DRC11: variants seen among roughly 807,000 people sequenced by gnomAD.
DRC11 encodes dynein regulatory complex subunit 11.
chr2:236,453,461 G>A, the DRC11 span, among the ~76,000 whole-genome samples: 1 of 152,128 alleles, frequency 6.6e-6, no homozygotes, highest in Non-Finnish European at 1.5e-5. This position sits in a 1 kb window ranked among gnomAD's most constrained non-coding sequence, Gnocchi z 4.9. Flanking sequence ...CAGAAATTAA[G>A]AGCGTGCTAG....
At chr2:236,311,699 T>TGC in the DRC11 span, among the ~76,000 whole-genome samples, 528 of 108,094 alleles carry the variant, frequency 4.9e-3, 5 homozygotes, top group African/African-American at 0.016. This position sits in a 1 kb window ranked among gnomAD's most constrained non-coding sequence, Gnocchi z 6.9. Flanking sequence ...ATGGGGTGCG[T>TGC]GTGTGTGTGT....
chr2:236,357,602 AATAT>A, the DRC11 span, among the ~76,000 whole-genome samples: 40 of 126,004 alleles, frequency 3.2e-4, no homozygotes, highest in African/African-American at 1.2e-3. Flanking sequence ...CATTTATGTA[AATAT>A]ATATTTATAA....
At chr2:236,367,448 T>C in the DRC11 span, 12 of 151,870 alleles carry the variant, frequency 7.9e-5, no homozygotes, top group African/African-American at 2.4e-4. The surrounding 1 kb of genome is among the most constrained non-coding windows in gnomAD (Gnocchi z 4.8). Flanking sequence ...CAATAAGGGT[T>C]TGAACTACTC....
chr2:236,474,406 G>A, the DRC11 span, among the ~76,000 whole-genome samples: 5 of 152,152 alleles, frequency 3.3e-5, no homozygotes, highest in Non-Finnish European at 5.9e-5. Context: ...ATCAGTGTAA[G>A]CTAGTAAGAC....
At chr2:236,374,703 T>G in the DRC11 span, among the ~76,000 whole-genome samples, 1 of 152,038 alleles carries the variant, frequency 6.6e-6, no homozygotes, top group South Asian at 2.1e-4. Flanking sequence ...TTATTATTAT[T>G]TTTTGAGATG....
At chr2:236,382,333 G>C in the DRC11 span, among the ~76,000 whole-genome samples, 1 of 152,172 alleles carries the variant, frequency 6.6e-6, no homozygotes, top group Non-Finnish European at 1.5e-5. Flanking sequence ...ATAGCATACA[G>C]TCTTGATTAC....
chr2:236,485,318 C>T, the DRC11 span, among the ~76,000 whole-genome samples: 1 of 151,938 alleles, frequency 6.6e-6, no homozygotes, highest in African/African-American at 2.4e-5. Flanking sequence ...ACATATTTGT[C>T]ATACATTTGT....
the DRC11 span, among the ~76,000 whole-genome samples, chr2:236,397,147 G>C: frequency 1.3e-5 from 2 of 152,204 alleles, no homozygotes; most frequent in African/African-American, 2.4e-5. This position sits in a 1 kb window ranked among gnomAD's most constrained non-coding sequence, Gnocchi z 5.0. Context: ...TGGTTTCGTG[G>C]AAGCTCTTTC....
At chr2:236,358,276 G>A in the DRC11 span, among the ~76,000 whole-genome samples, 21 of 126,470 alleles carry the variant, frequency 1.7e-4, no homozygotes, top group South Asian at 6.8e-4. Flanking sequence ...ATAATATATA[G>A]ATATATATAC....
chr2:236,401,773 G>T, the DRC11 span, among the ~76,000 whole-genome samples: 1 of 147,444 alleles, frequency 6.8e-6, no homozygotes, highest in African/African-American at 2.5e-5. This position sits in a 1 kb window ranked among gnomAD's most constrained non-coding sequence, Gnocchi z 4.6. Flanking sequence ...AGAGAGGGGG[G>T]AAGGGGAGGG....
chr2:236,306,975 T>C, the DRC11 span, among the ~76,000 whole-genome samples: 2 of 152,098 alleles, frequency 1.3e-5, no homozygotes, highest in South Asian at 2.1e-4. This position sits in a 1 kb window ranked among gnomAD's most constrained non-coding sequence, Gnocchi z 5.9. Context: ...TCTTACACCA[T>C]TGCAGCCCCG....
the DRC11 span, chr2:236,493,931 C>T: frequency 2.0e-6 from 3 of 1,516,010 alleles, no homozygotes; most frequent in Admixed American, 2.1e-5. Context: ...CGTCACAATG[C>T]CAGGACTAGA....
chr2:236,394,032 A>G, the DRC11 span, among the ~76,000 whole-genome samples: 2 of 152,044 alleles, frequency 1.3e-5, no homozygotes, highest in South Asian at 2.1e-4. The surrounding 1 kb of genome is among the most constrained non-coding windows in gnomAD (Gnocchi z 7.0). Context: ...ATATTTATAT[A>G]TAAATAAATA....
chr2:236,494,382 G>C, the DRC11 span, among the ~76,000 whole-genome samples: 2 of 152,092 alleles, frequency 1.3e-5, no homozygotes, highest in South Asian at 4.2e-4. This position sits in a 1 kb window ranked among gnomAD's most constrained non-coding sequence, Gnocchi z 4.2. Context: ...ATTTACAAAA[G>C]TAGTTTGCTT....
the DRC11 span, among the ~76,000 whole-genome samples, chr2:236,395,395 G>A: frequency 6.6e-6 from 1 of 152,158 alleles, no homozygotes; most frequent in Non-Finnish European, 1.5e-5. Context: ...AACAAGCATT[G>A]CATACATTGT....
chr2:236,488,972 T>C, the DRC11 span, among the ~76,000 whole-genome samples: 1 of 144,518 alleles, frequency 6.9e-6, no homozygotes, highest in Admixed American at 6.9e-5. Flanking sequence ...GGGACCTGTG[T>C]GGGCTCCGGG....
At chr2:236,444,764 T>C in the DRC11 span, among the ~76,000 whole-genome samples, 1 of 152,232 alleles carries the variant, frequency 6.6e-6, no homozygotes, top group African/African-American at 2.4e-5. Context: ...CACTCCTCCA[T>C]CCATCAAACC....
chr2:236,356,095 C>T, the DRC11 span, among the ~76,000 whole-genome samples: 5 of 152,076 alleles, frequency 3.3e-5, no homozygotes, highest in Non-Finnish European at 7.4e-5. Context: ...GCCTCGGCCC[C>T]GTTCTCCCAG....
the DRC11 span, among the ~76,000 whole-genome samples, chr2:236,330,194 T>C: frequency 6.6e-6 from 1 of 152,248 alleles, no homozygotes; most frequent in African/African-American, 2.4e-5. The surrounding 1 kb of genome is among the most constrained non-coding windows in gnomAD (Gnocchi z 5.5). Context: ...GAGTTACATT[T>C]TTTTTTCAGC....
Sources: gnomAD v4.1 joint callset for allele counts (sites outside exome capture counted in the v4.1 genomes callset) on GRCh38, gnomAD v4.1.1 for gene constraint, Gnocchi (gnomAD v3.1) non-coding constraint, MANE v1.5 for transcripts, NCBI Gene and HGNC (gene_info 2026-07-23, HGNC 2026-07-21) for gene names.